Variants in APPBP2 observed in about 807,000 individuals in gnomAD.
APPBP2 encodes the protein amyloid beta precursor protein binding protein 2, also known as amyloid protein-binding protein 2.
In APPBP2, 15 loss-of-function variants were observed where a neutral mutation model predicts 76.0. The ratio of observed to expected loss-of-function variants is 0.20; its 90% CI spans 0.13 to 0.30. APPBP2 has a LOEUF of 0.30. Among genes scored for constraint, APPBP2 ranks in the 10% least tolerant of loss-of-function variants. The probability of loss-of-function intolerance (pLI) is 1.00; values close to 1 mark genes in which losing one functional copy is unlikely to be tolerated. For missense variants in APPBP2, 401 were observed against 687.2 expected, an observed-to-expected ratio of 0.58 and a Z score of 4.66; for synonymous variants, 222 against 242.2, an observed-to-expected ratio of 0.92 and a Z score of 0.77.
At chr17:60,511,582 G>GAA (rs397946277) in intron 1 of APPBP2, among the ~76,000 whole-genome samples, 8 of 116,740 alleles carry the variant, frequency 6.9e-5, no homozygotes, top group African/African-American at 2.0e-4. Flanking sequence ...AGACTCCATT[G>GAA]AAAAAAAAAA....
At chr17:60,491,380 G>A (rs1384628200) in intron 3 of APPBP2, among the ~76,000 whole-genome samples, 1 of 152,116 alleles carries the variant, frequency 6.6e-6, no homozygotes, top group Non-Finnish European at 1.5e-5. Context: ...TTTAAGAGGT[G>A]ACTGGAGTGC....
rs757905099 is a variant in APPBP2 at position 60,447,591 on chromosome 17, G to A, written c.1748C>T (p.Pro583Leu). Residue 583 changes from proline to leucine, a missense_variant, in exon 13 of 13, where the codon CCG becomes CTG. Around this residue, in one of 5 missense-constraint regions of APPBP2, gnomAD observed 56 missense variants for 76.5 expected, o/e 0.73. Coordinates refer to ENST00000083182, the MANE Select transcript of APPBP2 (RefSeq NM_006380.5). ...SFLISQNVEG[P>L]SC ...AACTGAGGTCCTCCCTCAGCAGCTC[G>A]GTCCCTCGACATTCTGAGAAATCAG... 11 of 1,611,150 alleles carry A rather than the reference G, an allele frequency of 6.8e-6. No homozygotes were observed. The highest frequency in any genetic ancestry group is 5.3e-5 in the African/African-American group (4 of 74,770).
At chr17:60,484,894 A>G (rs1223866760) in intron 3 of APPBP2, among the ~76,000 whole-genome samples, 2 of 149,124 alleles carry the variant, frequency 1.3e-5, no homozygotes, top group African/African-American at 2.6e-5. Context: ...TTTGAGTTAC[A>G]TTCCATAAAT....
intron 1 of APPBP2, among the ~76,000 whole-genome samples, chr17:60,506,911 C>T: frequency 6.6e-6 from 1 of 152,154 alleles, no homozygotes; most frequent in Non-Finnish European, 1.5e-5. Flanking sequence ...TGGCGGGTGC[C>T]TGTAGTCCCA....
At chr17:60,464,648 G>A (rs548768333) in intron 5 of APPBP2, 6 of 152,494 alleles carry the variant, frequency 3.9e-5, no homozygotes, top group African/African-American at 1.4e-4. Flanking sequence ...GGTGTAGAGA[G>A]GTTAAGTGGC....
chr17:60,458,883 C>A (rs1314654880), intron 9 of APPBP2, among the ~76,000 whole-genome samples: 2 of 151,872 alleles, frequency 1.3e-5, no homozygotes, highest in African/African-American at 4.8e-5. Context: ...AGCGATTCTC[C>A]TGCCTCAGCC....
intron 1 of APPBP2, among the ~76,000 whole-genome samples, chr17:60,520,846 G>A (rs2091004746): frequency 6.6e-6 from 1 of 152,126 alleles, no homozygotes; most frequent in Non-Finnish European, 1.5e-5. Context: ...ACAGGTGTGA[G>A]CTACCACACC....
At chr17:60,460,513 G>T in intron 9 of APPBP2, 150 bp downstream of exon 9, 1 of 746,200 alleles carries the variant, frequency 1.3e-6, no homozygotes, top group Non-Finnish European at 1.9e-6. Context: ...GAACATTTTA[G>T]GCATTCTGAT....
chr17:60,514,687 A>G (rs2090948426), intron 1 of APPBP2, among the ~76,000 whole-genome samples: 2 of 148,718 alleles, frequency 1.3e-5, no homozygotes, highest in South Asian at 4.1e-4. Flanking sequence ...TTTTCCACAC[A>G]TTCAACAAGT....
chr17:60,471,143 T>G (rs1178619017), intron 4 of APPBP2, among the ~76,000 whole-genome samples: 1 of 152,152 alleles, frequency 6.6e-6, no homozygotes, highest in Non-Finnish European at 1.5e-5. Context: ...TGATATATTC[T>G]GGATACTAGA....
chr17:60,517,538 T>C (rs1216587753), intron 1 of APPBP2, among the ~76,000 whole-genome samples: 1 of 152,238 alleles, frequency 6.6e-6, no homozygotes, highest in Non-Finnish European at 1.5e-5. Flanking sequence ...GATCAGCAAT[T>C]TATCTGGAAA....
At chr17:60,480,187 A>G (rs2090618553) in intron 3 of APPBP2, among the ~76,000 whole-genome samples, 1 of 152,228 alleles carries the variant, frequency 6.6e-6, no homozygotes. Flanking sequence ...AGCCTGGGCA[A>G]TATGGCAAAA....
chr17:60,460,635 C>T, intron 9 of APPBP2, 28 bp downstream of exon 9: 1 of 1,597,564 alleles, frequency 6.3e-7, no homozygotes. Flanking sequence ...GTATTTCCTC[C>T]TTCAGAGAAA....
intron 4 of APPBP2, among the ~76,000 whole-genome samples, chr17:60,477,744 T>A (rs539221983): frequency 7.5e-6 from 1 of 133,144 alleles, no homozygotes; most frequent in East Asian, 2.1e-4. Flanking sequence ...CTGACATAGA[T>A]AAGCCTTGTA....
chr17:60,484,694 T>C (rs1419047477), intron 3 of APPBP2, among the ~76,000 whole-genome samples: 1 of 152,194 alleles, frequency 6.6e-6, no homozygotes, highest in African/African-American at 2.4e-5. Flanking sequence ...ACTTCCTCTC[T>C]TCCTATCTGA....
At chr17:60,523,353 A>G (rs537112675) in intron 1 of APPBP2, among the ~76,000 whole-genome samples, 29 of 152,140 alleles carry the variant, frequency 1.9e-4, no homozygotes, top group Non-Finnish European at 4.0e-4. Context: ...AAAATTAGCT[A>G]GGCATGGGTG....
chr17:60,460,265 T>C (rs1312800276), intron 9 of APPBP2: 1 of 155,904 alleles, frequency 6.4e-6, no homozygotes. Flanking sequence ...GTGGTGTGAA[T>C]ATGCTTCGCT....
At chr17:60,478,701 C>G (rs1055695147) in intron 4 of APPBP2, among the ~76,000 whole-genome samples, 1 of 152,218 alleles carries the variant, frequency 6.6e-6, no homozygotes, top group Admixed American at 6.5e-5. Context: ...GCAGGTGGAT[C>G]ACCTGAAGTC....
chr17:60,449,769 AT>A (rs1008972157), intron 12 of APPBP2, among the ~76,000 whole-genome samples: 3 of 152,150 alleles, frequency 2.0e-5, no homozygotes, highest in East Asian at 1.9e-4. Context: ...CTAGAAAAAA[AT>A]ATCTTTATTA....
Sources: gnomAD v4.1 joint callset for allele counts (sites outside exome capture counted in the v4.1 genomes callset) on GRCh38, gnomAD v4.1.1 for gene constraint, gnomAD v4.1.1 regional missense constraint, MANE v1.5 for transcripts, NCBI Gene and HGNC (gene_info 2026-07-23, HGNC 2026-07-21) for gene names.